ABCB7: variants seen among roughly 807,000 people sequenced by gnomAD.
ABCB7 encodes the protein ATP binding cassette subfamily B member 7.
ABCB7 carries 7 observed loss-of-function variants against 54.4 expected under a neutral mutation model. That is an observed-to-expected ratio of 0.13 (90% CI 0.07 to 0.24). ABCB7 has a LOEUF of 0.24. ABCB7 is among the 10% of genes least tolerant of loss of function. The probability of loss-of-function intolerance (pLI) is 1.00; values close to 1 mark genes in which losing one functional copy is unlikely to be tolerated. For missense variants in ABCB7, 356 were observed against 570.4 expected (o/e 0.62, Z 3.83); for synonymous variants, 218 against 207.1 (o/e 1.05, Z -0.45).
intron 1 of ABCB7, among the ~76,000 whole-genome samples, chrX:75,116,837 G>A (rs927359762): frequency 9.0e-6 from 1 of 110,992 alleles, no homozygotes; most frequent in Non-Finnish European, 1.9e-5. Context: ...AACAGGTTGT[G>A]TAGTAAAGAA....
At chrX:75,125,330 G>A (rs1053089630) in intron 1 of ABCB7, among the ~76,000 whole-genome samples, 2 of 111,354 alleles carry the variant, frequency 1.8e-5, no homozygotes, top group Admixed American at 1.9e-4. Flanking sequence ...CCCAACTCTA[G>A]GGCTGACAAA....
chrX:75,063,534 C>T (rs1268558753), intron 13 of ABCB7, among the ~76,000 whole-genome samples: 4 of 110,529 alleles, frequency 3.6e-5, no homozygotes, highest in African/African-American at 9.9e-5. Context: ...ATACGCTTCC[C>T]CACCTCACAG....
At position 75,156,092 on chromosome X, in the gene ABCB7, A is replaced by G. The variant is rs1057515989; in HGVS notation, c.168+13T>C. ...GCCCTTCACCCTATTCTTCCATGTCAGTGGCATCTCACCTGGTAGGCTCGA... is the reference window on the plus strand; with the variant it reads ...GCCCTTCACCCTATTCTTCCATGTCGGTGGCATCTCACCTGGTAGGCTCGA... On this transcript the variant is annotated intron_variant, in intron 1 of 15. Transcript: ENST00000373394. 1.7e-6 allele frequency: 2 copies of G among 1,207,954 alleles called. No homozygotes were observed. Among genetic ancestry groups the G allele is most frequent in the Admixed American group, 4.4e-5 (2 of 45,639 alleles).
Position 75,051,305 on chromosome X carries a change from C to T in ABCB7, c.*2065G>A, listed in dbSNP as rs6647083. ...ACCTTTATATAGCAAGAGTGGACAC[C>T]TAAGTTAGATAAGTTCAGCTATCCA... On this transcript the variant is annotated 3_prime_UTR_variant, in exon 16 of 16. Transcript: ENST00000373394. Among the ~76,000 whole-genome samples, 1,349 of 111,171 alleles carry T rather than the reference C, an allele frequency of 0.012. 22 individuals are homozygous for T. The highest frequency in any genetic ancestry group is 0.043 in the African/African-American group (1,303 of 30,584).
intron 12 of ABCB7, among the ~76,000 whole-genome samples, chrX:75,068,526 T>A (rs1477240177): frequency 8.9e-6 from 1 of 112,330 alleles, no homozygotes; most frequent in Admixed American, 9.5e-5. Context: ...AAATTGAGGA[T>A]GGCAGACAAG....
chrX:75,099,110 A>G, intron 3 of ABCB7, 49 bp from the exon 4 acceptor site: 1 of 1,149,197 alleles, frequency 8.7e-7, no homozygotes. Context: ...CATTTCAAAC[A>G]TAACCATAAT....
intron 9 of ABCB7, 75 bp from the exon 10 acceptor site, chrX:75,070,597 T>C (rs1438630440): frequency 5.9e-6 from 6 of 1,010,682 alleles, no homozygotes; most frequent in Non-Finnish European, 8.4e-6. Flanking sequence ...AGGTTTATAG[T>C]CTATTACGAC....
chrX:75,124,109 T>C (rs1211700946), intron 1 of ABCB7, among the ~76,000 whole-genome samples: 1 of 112,088 alleles, frequency 8.9e-6, no homozygotes, highest in Non-Finnish European at 1.9e-5. Flanking sequence ...TGCTGACCCC[T>C]GCTCTAAATA....
chrX:75,155,563 G>T (rs1229369152), intron 1 of ABCB7, among the ~76,000 whole-genome samples: 1 of 111,381 alleles, frequency 9.0e-6, no homozygotes, highest in African/African-American at 3.3e-5. Context: ...ATTTATACAA[G>T]AATTTAGGGC....
At chrX:75,125,107 C>T (rs2081913216) in intron 1 of ABCB7, among the ~76,000 whole-genome samples, 1 of 111,197 alleles carries the variant, frequency 9.0e-6, no homozygotes, top group African/African-American at 3.3e-5. Flanking sequence ...ATTAAATTAC[C>T]TCGAAAATTA....
intron 1 of ABCB7, among the ~76,000 whole-genome samples, chrX:75,145,832 A>G (rs2082086651): frequency 8.9e-6 from 1 of 111,883 alleles, no homozygotes; most frequent in Non-Finnish European, 1.9e-5. Context: ...CTGTATCTAG[A>G]AAACTCCATA....
chrX:75,093,955 G>A (rs2081564710), intron 4 of ABCB7, among the ~76,000 whole-genome samples: 1 of 101,978 alleles, frequency 9.8e-6, no homozygotes, highest in Non-Finnish European at 1.9e-5. Flanking sequence ...TTCCCTATAT[G>A]CTTAATTGTT....
At chrX:75,146,243 G>A (rs144653573) in intron 1 of ABCB7, among the ~76,000 whole-genome samples, 1,347 of 112,046 alleles carry the variant, frequency 0.012, 8 homozygotes, top group Admixed American at 0.02. Flanking sequence ...ACTGCCCAAA[G>A]CAATTTATAG....
intron 1 of ABCB7, among the ~76,000 whole-genome samples, chrX:75,135,127 T>C (rs2082000523): frequency 9.6e-6 from 1 of 104,156 alleles, no homozygotes; most frequent in African/African-American, 3.5e-5. Context: ...CAATCAGAAA[T>C]GACAAAGGGG....
intron 4 of ABCB7, among the ~76,000 whole-genome samples, chrX:75,077,069 T>C (rs772532847): frequency 8.9e-6 from 1 of 111,976 alleles, no homozygotes; most frequent in Non-Finnish European, 1.9e-5. Flanking sequence ...TTACTTTTTG[T>C]CCCACCCATG....
chrX:75,142,796 T>C (rs1210290634), intron 1 of ABCB7, among the ~76,000 whole-genome samples: 1 of 112,428 alleles, frequency 8.9e-6, no homozygotes, highest in African/African-American at 3.2e-5. Context: ...CTACCTGTTT[T>C]CTCCTTCAAA....
At chrX:75,091,845 A>C (rs1399435523) in intron 4 of ABCB7, among the ~76,000 whole-genome samples, 2 of 111,845 alleles carry the variant, frequency 1.8e-5, no homozygotes, top group African/African-American at 6.5e-5. Flanking sequence ...CAAAAAATGA[A>C]ATACTTCAGT....
rs1337242888 is a variant in ABCB7, at chrX:75,065,132, G to C, written c.1769C>G (p.Ala590Gly). Residue 590 changes from alanine to glycine, a missense_variant, in exon 13 of 16, where the codon GCA (alanine) becomes GGA (glycine). Physicochemically the swap from Ala to Gly is moderately conservative, Grantham distance 60. Around this residue, in one of 2 missense-constraint regions of ABCB7, gnomAD observed 241 missense variants for 470.9 expected, o/e 0.51. Transcript: ENST00000373394. Reference sequence around the variant, plus strand: ...ATATCCATGTGGCATTCGAAGAATTGCATCATGAAGTCCAGCTAATTTTGC... The same window carrying C: ...ATATCCATGTGGCATTCGAAGAATTCCATCATGAAGTCCAGCTAATTTTGC... ...AVAKLAGLHD[A>G]ILRMPHGYDT... 2 of 1,209,037 alleles carry C rather than the reference G, an allele frequency of 1.7e-6. No homozygotes were observed. The highest frequency in any genetic ancestry group is 2.2e-5 in the Admixed American group (1 of 45,571).
intron 9 of ABCB7, 45 bp from the exon 10 acceptor site, chrX:75,070,567 A>T (rs1270798560): frequency 1.7e-6 from 2 of 1,145,136 alleles, no homozygotes; most frequent in Non-Finnish European, 2.4e-6. Context: ...TAAATGTTAC[A>T]TACTTTTCCA....
Sources: gnomAD v4.1 joint callset for allele counts (sites outside exome capture counted in the v4.1 genomes callset) on GRCh38, gnomAD v4.1.1 for gene constraint, gnomAD v4.1.1 regional missense constraint, MANE v1.5 for transcripts, NCBI Gene and HGNC (gene_info 2026-07-23, HGNC 2026-07-21) for gene names.